The following RARB variants were observed in gnomAD, a reference collection of about 807,000 sequenced individuals.
The protein encoded by RARB is HBV-activated protein.
Under a neutral mutation model 51.9 loss-of-function variants are expected in RARB, and 17 were observed. The observed-to-expected ratio is 0.33, with a 90% CI of 0.22 to 0.49. The LOEUF is 0.49. Among genes scored for constraint, RARB ranks in the 20% least tolerant of loss-of-function variants. The pLI, the probability that RARB is intolerant of heterozygous loss-of-function variation, is 0.99. For missense variants in RARB, 369 were observed against 550.8 expected (o/e 0.67, Z 3.30); for synonymous variants, 215 against 195.4 (o/e 1.10, Z -0.84).
At chr3:25,546,107 G>A (rs1461445794) in intron 3 of RARB, among the ~76,000 whole-genome samples, 1 of 152,128 alleles carries the variant, frequency 6.6e-6, no homozygotes, top group African/African-American at 2.4e-5. Flanking sequence ...CTTAGCTAGA[G>A]TATGCCCTGG....
rs149133698 is a variant in RARB at position 24,864,744 on chromosome 3, G to C, written c.-380+5992G>C. On this transcript the variant is annotated intron_variant, in intron 2 of 11. Coordinates refer to the RARB transcript ENST00000383772. ...AGTATTTTTTTTATGCTCTAAAAAA[G>C]ATCATGTTGCCTGCAAAGACTAAAA... Among the ~76,000 whole-genome samples the C allele has an allele frequency of 1.1e-3, 166 of 152,182 alleles. 1 individual carries two copies. Among genetic ancestry groups the C allele is most frequent in the African/African-American group, 3.8e-3 (158 of 41,522 alleles).
chr3:25,129,962 T>C (rs1334940803), intron 3 of RARB, among the ~76,000 whole-genome samples: 1 of 152,118 alleles, frequency 6.6e-6, no homozygotes, highest in Non-Finnish European at 1.5e-5. Flanking sequence ...CTAAAACTGC[T>C]TCAATCCTCA....
At chr3:25,312,074 G>A (rs922271083) in intron 5 of RARB, among the ~76,000 whole-genome samples, 1 of 152,142 alleles carries the variant, frequency 6.6e-6, no homozygotes, top group Non-Finnish European at 1.5e-5. Flanking sequence ...TGTTTCCTGC[G>A]GTGTTTAGGG....
intron 5 of RARB, among the ~76,000 whole-genome samples, chr3:25,418,176 C>T (rs553362913): frequency 1.7e-4 from 26 of 152,114 alleles, no homozygotes; most frequent in Middle Eastern, 3.4e-3. Flanking sequence ...ATCTGGATGG[C>T]GATATGCTCA....
At chr3:25,294,092 G>A (rs1286064987) in intron 5 of RARB, among the ~76,000 whole-genome samples, 1 of 152,136 alleles carries the variant, frequency 6.6e-6, no homozygotes, top group Non-Finnish European at 1.5e-5. Context: ...TGTTTCCCAG[G>A]AAAGAGCTCC....
At chr3:25,572,282 A>G (rs888128620) in intron 4 of RARB, among the ~76,000 whole-genome samples, 4 of 152,220 alleles carry the variant, frequency 2.6e-5, no homozygotes, top group African/African-American at 9.7e-5. Flanking sequence ...GTTGTGGTCA[A>G]AAATCTTTAT....
intron 3 of RARB, among the ~76,000 whole-genome samples, chr3:25,525,421 A>G (rs929210711): frequency 6.6e-6 from 1 of 152,100 alleles, no homozygotes; most frequent in Admixed American, 6.5e-5. Flanking sequence ...ACTCAAAAAC[A>G]AGCTCCTTGA....
intron 5 of RARB, among the ~76,000 whole-genome samples, chr3:25,331,742 T>G (rs1704903148): frequency 6.6e-6 from 1 of 152,260 alleles, no homozygotes; most frequent in South Asian, 2.1e-4. Context: ...AGGAGCTGGT[T>G]TTTTGGAAAG....
chr3:25,287,086 AT>A (rs1472464573), intron 5 of RARB, among the ~76,000 whole-genome samples: 1 of 152,192 alleles, frequency 6.6e-6, no homozygotes, highest in African/African-American at 2.4e-5. Flanking sequence ...CAATTTTGTC[AT>A]TTATACACCA....
chr3:25,525,442 T>C (rs1698606155), intron 3 of RARB, among the ~76,000 whole-genome samples: 1 of 151,986 alleles, frequency 6.6e-6, no homozygotes, highest in Non-Finnish European at 1.5e-5. Flanking sequence ...GGTCAGAAAT[T>C]TCACCTTCAT....
intron 3 of RARB, among the ~76,000 whole-genome samples, chr3:25,517,615 T>C (rs977623372): frequency 2.0e-5 from 3 of 152,150 alleles, no homozygotes; most frequent in Non-Finnish European, 1.5e-5. Flanking sequence ...CAGAGAGTTA[T>C]TATGGGACCC....
At chr3:25,484,224 G>A (rs994558828) in intron 2 of RARB, among the ~76,000 whole-genome samples, 4 of 152,136 alleles carry the variant, frequency 2.6e-5, no homozygotes, top group Non-Finnish European at 5.9e-5. Flanking sequence ...GAGAAAGGGC[G>A]AGGAGGAAAG....
At chr3:25,437,718 T>C (rs887017841) in intron 1 of RARB, among the ~76,000 whole-genome samples, 2 of 152,184 alleles carry the variant, frequency 1.3e-5, no homozygotes, top group African/African-American at 4.8e-5. Context: ...GAAGTTTTTC[T>C]GTGTGCAGGC....
At chr3:25,133,133 C>T (rs569958348) in intron 4 of RARB, among the ~76,000 whole-genome samples, 19 of 152,002 alleles carry the variant, frequency 1.2e-4, no homozygotes, top group African/African-American at 1.9e-4. Context: ...ATTTTTATCA[C>T]GTCATCCTTA....
In RARB at chr3:24,973,060, G is replaced by A. The variant is rs902987270; in HGVS notation, c.-379-87065G>A. ...ACAAAAAAGCTTTGCCCAGACCAAC[G>A]TCCTGAAGCATTTCCCCAAAAGTTT... On this transcript the variant is annotated intron_variant, in intron 2 of 11. Coordinates refer to the RARB transcript ENST00000383772. Among the ~76,000 whole-genome samples, 10 of 152,098 alleles carry A rather than the reference G, an allele frequency of 6.6e-5. No individual in the cohort carries two copies. In the South Asian group the frequency reaches 1.2e-3, roughly 19 times the overall value.
chr3:25,287,955 G>A (rs1703695787), intron 5 of RARB, among the ~76,000 whole-genome samples: 1 of 152,000 alleles, frequency 6.6e-6, no homozygotes. Context: ...GCATTATAAA[G>A]GGGAGGAGTG....
chr3:25,415,751 A>G (rs185710208), intron 5 of RARB, among the ~76,000 whole-genome samples: 130 of 152,332 alleles, frequency 8.5e-4, no homozygotes, highest in African/African-American at 3.0e-3. Flanking sequence ...AATTTCTACC[A>G]ACTTGTACAT....
chr3:25,533,777 T>A (rs569217451), intron 3 of RARB, among the ~76,000 whole-genome samples: 16 of 152,356 alleles, frequency 1.1e-4, no homozygotes, highest in African/African-American at 3.1e-4. Context: ...AAGCAGGGAC[T>A]ATCTGTATAA....
intron 1 of RARB, among the ~76,000 whole-genome samples, chr3:24,833,761 G>A (rs1185550083): frequency 6.6e-6 from 1 of 152,172 alleles, no homozygotes; most frequent in African/African-American, 2.4e-5. Flanking sequence ...TGTGTCCAAG[G>A]TAGGCATGTG....
Sources: gnomAD v4.1 joint callset for allele counts (sites outside exome capture counted in the v4.1 genomes callset) on GRCh38, gnomAD v4.1.1 for gene constraint, MANE v1.5 for transcripts, NCBI Gene and HGNC (gene_info 2026-07-23, HGNC 2026-07-21) for gene names.